The following KLRG1 variants were observed in gnomAD, a reference collection of about 807,000 sequenced individuals.
The protein encoded by KLRG1 is killer cell lectin like receptor G1.
KLRG1 carries 16 observed loss-of-function variants against 21.8 expected under a neutral mutation model. The ratio of observed to expected loss-of-function variants is 0.73; its 90% CI spans 0.50 to 1.11. The LOEUF (loss-of-function observed/expected upper bound fraction) is 1.11, where lower values mean the gene tolerates loss of function less well. Among genes scored for constraint, KLRG1 ranks in the 50% most tolerant of loss-of-function variants. The probability of loss-of-function intolerance (pLI) is 0.00; values close to 1 mark genes in which losing one functional copy is unlikely to be tolerated. For missense variants in KLRG1, 173 were observed against 218.3 expected (o/e 0.79, Z 1.31); for synonymous variants, 69 against 75.9 (o/e 0.91, Z 0.47).
the KLRG1 span, among the ~76,000 whole-genome samples, chr12:9,071,431 A>G: frequency 6.6e-6 from 1 of 151,412 alleles, no homozygotes; most frequent in South Asian, 2.1e-4. Flanking sequence ...AAATGAAAAA[A>G]ATATATATAT....
intron 3 of KLRG1, among the ~76,000 whole-genome samples, chr12:9,004,309 CA>C (rs1452134460): frequency 2.0e-5 from 3 of 152,138 alleles, no homozygotes; most frequent in Non-Finnish European, 4.4e-5. Flanking sequence ...AACTAGTTTA[CA>C]GTCCCACCAA....
At chr12:9,062,164 TG>T in the KLRG1 span, among the ~76,000 whole-genome samples, 1 of 144,924 alleles carries the variant, frequency 6.9e-6, no homozygotes, top group Non-Finnish European at 1.5e-5. Context: ...AAAAATCACC[TG>T]ACACAATAGA....
the KLRG1 span, among the ~76,000 whole-genome samples, chr12:9,171,107 C>G: frequency 1.3e-5 from 2 of 152,194 alleles, no homozygotes; most frequent in Admixed American, 6.5e-5. Context: ...GGGCTGGCAA[C>G]AAGTTAGTAC....
At chr12:9,115,624 A>T in the KLRG1 span, 1 of 664,622 alleles carries the variant, frequency 1.5e-6, no homozygotes, top group Non-Finnish European at 2.6e-6. Context: ...TGAGTAAACT[A>T]GATTTGTAAA....
the KLRG1 span, chr12:9,093,508 T>G: frequency 6.2e-7 from 1 of 1,613,912 alleles, no homozygotes; most frequent in Non-Finnish European, 8.5e-7. Context: ...GGGAAGTACT[T>G]TCGTACGGTC....
chr12:9,196,242 C>G, the KLRG1 span: 1 of 853,790 alleles, frequency 1.2e-6, no homozygotes, highest in South Asian at 1.8e-5. Context: ...TAACTGATAA[C>G]ACTAACCAAG....
the KLRG1 span, among the ~76,000 whole-genome samples, chr12:9,082,686 G>C: frequency 5.7e-4 from 86 of 152,144 alleles, no homozygotes; most frequent in Non-Finnish European, 1.1e-3. Context: ...AACTGGCCAA[G>C]CTCAAAAAAT....
chr12:9,209,164 G>A, the KLRG1 span, among the ~76,000 whole-genome samples: 1 of 152,018 alleles, frequency 6.6e-6, no homozygotes, highest in Admixed American at 6.6e-5. Flanking sequence ...GTACAATGAT[G>A]ATCACATATA....
intron 1 of KLRG1, among the ~76,000 whole-genome samples, chr12:8,974,243 C>T (rs1339337911): frequency 6.6e-6 from 1 of 151,812 alleles, no homozygotes; most frequent in East Asian, 1.9e-4. Flanking sequence ...TCTCGGCTCA[C>T]TGCAAGCTCC....
the KLRG1 span, among the ~76,000 whole-genome samples, chr12:9,192,992 C>A: frequency 6.6e-6 from 1 of 152,076 alleles, no homozygotes; most frequent in Admixed American, 6.5e-5. Flanking sequence ...TCCTCCTGCC[C>A]CTCAGAACTA....
the KLRG1 span, chr12:9,127,835 A>G: frequency 4.3e-6 from 1 of 233,070 alleles, no homozygotes; most frequent in Non-Finnish European, 8.9e-6. Flanking sequence ...GGGTGAGCTG[A>G]AGGTGAAGAT....
chr12:8,973,873 A>G (rs1324160964), intron 1 of KLRG1, among the ~76,000 whole-genome samples: 1 of 152,190 alleles, frequency 6.6e-6, no homozygotes, highest in Admixed American at 6.5e-5. Flanking sequence ...TTCATTGTGT[A>G]TAGAAACATG....
At chr12:8,975,517 T>G (rs1946643274) in intron 1 of KLRG1, among the ~76,000 whole-genome samples, 1 of 152,176 alleles carries the variant, frequency 6.6e-6, no homozygotes, top group Non-Finnish European at 1.5e-5. Context: ...GCCTCTTCAT[T>G]CATTTTTTAT....
At chr12:9,194,913 A>T in the KLRG1 span, among the ~76,000 whole-genome samples, 1 of 152,200 alleles carries the variant, frequency 6.6e-6, no homozygotes, top group East Asian at 1.9e-4. Flanking sequence ...CTACTAGCTA[A>T]AAAAGTTACT....
the KLRG1 span, among the ~76,000 whole-genome samples, chr12:9,022,429 G>C: frequency 6.6e-6 from 1 of 152,114 alleles, no homozygotes; most frequent in Non-Finnish European, 1.5e-5. Context: ...TGTATATATG[G>C]TTCATTGTTA....
At chr12:9,200,237 T>A in the KLRG1 span, 1 of 540,744 alleles carries the variant, frequency 1.8e-6, no homozygotes, top group South Asian at 3.5e-5. Context: ...AGTCGTTAAA[T>A]AAAGAGAAGT....
chr12:9,113,681 C>T, the KLRG1 span: 408,628 of 825,356 alleles, frequency 0.5, 106,403 homozygotes, highest in African/African-American at 0.75. Context: ...GAAATTTGGC[C>T]GTTGAAGGCC....
At chr12:8,955,037 C>T (rs1946265926) in intron 1 of KLRG1, among the ~76,000 whole-genome samples, 1 of 151,976 alleles carries the variant, frequency 6.6e-6, no homozygotes, top group African/African-American at 2.4e-5. Flanking sequence ...CTGCCTCAGC[C>T]TCCCGAGTAG....
chr12:9,197,636 ATTATAT>A, the KLRG1 span, among the ~76,000 whole-genome samples: 1 of 68,748 alleles, frequency 1.5e-5, no homozygotes, highest in African/African-American at 6.1e-5. Flanking sequence ...TATATTATAT[ATTATAT>A]TATATAATAT....
Sources: allele counts gnomAD v4.1 joint callset (sites outside exome capture counted in the v4.1 genomes callset), GRCh38; gene constraint gnomAD v4.1.1; transcripts MANE v1.5; gene names NCBI Gene and HGNC (gene_info 2026-07-23, HGNC 2026-07-21).